Variants in KALRN observed in about 807,000 individuals in gnomAD.
KALRN encodes kalirin RhoGEF kinase, also known as kalirin.
Under a neutral mutation model 353.7 loss-of-function variants are expected in KALRN, and 70 were observed. The ratio of observed to expected loss-of-function variants is 0.20; its 90% CI spans 0.16 to 0.24. The LOEUF (loss-of-function observed/expected upper bound fraction) is 0.24. Ranked by LOEUF, KALRN falls within the 10% of genes least tolerant of loss-of-function variation. The pLI, the probability that KALRN is intolerant of heterozygous loss-of-function variation, is 1.00. For missense variants in KALRN, 2,791 were observed against 3,756.7 expected (o/e 0.74, Z 6.72); for synonymous variants, 1,391 against 1,434.8 (o/e 0.97, Z 0.69).
intron 6 of KALRN, among the ~76,000 whole-genome samples, chr3:124,301,548 G>T (rs2077268775): frequency 6.6e-6 from 1 of 152,156 alleles, no homozygotes; most frequent in Non-Finnish European, 1.5e-5. Context: ...TTGCCCGCCT[G>T]TGCTTGATAA....
At chr3:124,456,171 G>A (rs1577075210) in intron 22 of KALRN, among the ~76,000 whole-genome samples, 1 of 152,042 alleles carries the variant, frequency 6.6e-6, no homozygotes, top group Admixed American at 6.5e-5. Flanking sequence ...GAAATTTCTT[G>A]TTTAAATAAA....
At position 124,033,867 on chromosome 3, in the gene KALRN, G is replaced by A. The variant is rs2039127858; in HGVS notation, c.73+54G>A. On this transcript the variant is annotated intron_variant, in intron 1 of 59. Coordinates refer to ENST00000682506, the MANE Select transcript of KALRN (RefSeq NM_001388419.1). This position sits in a 1 kb window ranked among gnomAD's most constrained non-coding sequence, Gnocchi z 6.2. ...GGCTGAAGGCTACTGCCTCGGACGC[G>A]GCGTCTCGGACAAGTTTGGGGAAGG... 6.6e-6 allele frequency among the ~76,000 whole-genome samples: 1 copy of A among 152,180 alleles called. No individual in the cohort carries two copies. Among genetic ancestry groups the A allele is most frequent in the African/African-American group, 2.4e-5 (1 of 41,452 alleles).
chr3:124,302,672 T>C (rs1361063806), intron 6 of KALRN, among the ~76,000 whole-genome samples: 12 of 152,244 alleles, frequency 7.9e-5, no homozygotes, highest in Admixed American at 7.9e-4. Flanking sequence ...AACAATGTCA[T>C]GGACTGGGTG....
In KALRN at chr3:124,473,308, C is replaced by T. The variant is rs907123932; in HGVS notation, c.4032-1355C>T. Among the ~76,000 whole-genome samples, 15 of 152,188 alleles carry T rather than the reference C, an allele frequency of 9.9e-5. 1 individual carries two copies. Among genetic ancestry groups the T allele is most frequent in the African/African-American group, 3.4e-4 (14 of 41,444 alleles). On this transcript the variant is annotated intron_variant, in intron 25 of 59. Transcript: ENST00000682506. ...TAAGTAGTAGAGTAATGCAGAACCA[C>T]TTTATATCGTGTATCCTTTAATTCA...
chr3:124,669,766 A>G (rs375460298), intron 47 of KALRN, among the ~76,000 whole-genome samples: 4 of 152,326 alleles, frequency 2.6e-5, no homozygotes, highest in East Asian at 3.9e-4. Context: ...CCTTACATAA[A>G]ATGGCATAGT....
intron 33 of KALRN, among the ~76,000 whole-genome samples, chr3:124,504,573 C>T (rs1027670657): frequency 6.6e-6 from 1 of 152,194 alleles, no homozygotes. Context: ...GTAGCCCAGT[C>T]CAGGGGCTTC....
In KALRN at chr3:124,155,888, A is replaced by G. The variant is rs190112171; in HGVS notation, c.74-72102A>G. Among the ~76,000 whole-genome samples the G allele has an allele frequency of 4.6e-5, 7 of 152,240 alleles. No homozygotes were observed. The East Asian group carries it at 1.4e-3, about 29-fold the overall frequency. The stretch of plus-strand genomic sequence containing the variant: ...GAGCCTTTACCTTCTTGCTTATTTT[A>G]ATTACTCTGTGAAGGGCCTTTTGTT... On this transcript the variant is annotated intron_variant, in intron 1 of 59. Coordinates refer to ENST00000682506, the MANE Select transcript of KALRN (RefSeq NM_001388419.1).
At chr3:124,270,773 G>A (rs1343320334) in intron 5 of KALRN, among the ~76,000 whole-genome samples, 1 of 151,042 alleles carries the variant, frequency 6.6e-6, no homozygotes, top group Admixed American at 6.6e-5. Flanking sequence ...CCAGAATCAG[G>A]TACTTTGGCT....
chr3:124,403,227 C>T (rs2091094033), intron 13 of KALRN, among the ~76,000 whole-genome samples: 1 of 152,062 alleles, frequency 6.6e-6, no homozygotes, highest in Non-Finnish European at 1.5e-5. Flanking sequence ...AATGAAAATC[C>T]TGGGAAATTT....
chr3:124,539,273 C>CA (rs538487193), intron 33 of KALRN, among the ~76,000 whole-genome samples: 5 of 152,226 alleles, frequency 3.3e-5, no homozygotes, highest in Non-Finnish European at 7.3e-5. Context: ...CTCCCACATG[C>CA]ACTTAGGCTT....
At chr3:124,445,450 A>G (rs1335569356) in intron 19 of KALRN, among the ~76,000 whole-genome samples, 8 of 152,216 alleles carry the variant, frequency 5.3e-5, no homozygotes, top group African/African-American at 1.2e-4. Context: ...GGGAAATAGC[A>G]TGGACTGAAT....
intron 1 of KALRN, among the ~76,000 whole-genome samples, chr3:124,120,143 G>A (rs531613150): frequency 6.6e-6 from 1 of 152,308 alleles, no homozygotes; most frequent in African/African-American, 2.4e-5. Context: ...AGCAGTGTGG[G>A]TACATGGGGT....
chr3:124,111,321 T>G (rs1350986706), intron 1 of KALRN, among the ~76,000 whole-genome samples: 2 of 152,206 alleles, frequency 1.3e-5, no homozygotes, highest in Admixed American at 6.5e-5. Context: ...AGAAAACCTT[T>G]CCCAGATGTC....
chr3:124,639,460 T>G (rs551575412), intron 37 of KALRN, among the ~76,000 whole-genome samples: 38 of 152,318 alleles, frequency 2.5e-4, no homozygotes, highest in Non-Finnish European at 5.1e-4. Flanking sequence ...TATAAAAAAG[T>G]CTTTTACACT....
chr3:124,167,778 C>T (rs1423659080), intron 1 of KALRN, among the ~76,000 whole-genome samples: 1 of 152,206 alleles, frequency 6.6e-6, no homozygotes, highest in Non-Finnish European at 1.5e-5. Context: ...TAGCTGTTAA[C>T]ATTAAAATTA....
At chr3:124,385,905 C>G (rs947437120) in intron 11 of KALRN, among the ~76,000 whole-genome samples, 4 of 152,036 alleles carry the variant, frequency 2.6e-5, no homozygotes, top group African/African-American at 7.2e-5. Flanking sequence ...GTGTCCCCCC[C>G]CAGGAATTCC....
chr3:124,177,247 G>T (rs1579002819), intron 1 of KALRN, among the ~76,000 whole-genome samples: 1 of 152,172 alleles, frequency 6.6e-6, no homozygotes, highest in South Asian at 2.1e-4. Context: ...CTAAGAACAG[G>T]CCTGCCATTT....
At chr3:124,438,815 A>C in intron 17 of KALRN, 73 bp from the exon 18 acceptor site, 1 of 1,389,466 alleles carries the variant, frequency 7.2e-7, no homozygotes, top group Non-Finnish European at 9.9e-7. Context: ...GTAGGCTTCT[A>C]TAGGCTGAAG....
At chr3:124,388,362 G>C (rs1484702592) in intron 11 of KALRN, among the ~76,000 whole-genome samples, 1 of 151,646 alleles carries the variant, frequency 6.6e-6, no homozygotes, top group Non-Finnish European at 1.5e-5. Flanking sequence ...CTTCTTCATG[G>C]GTGCTTCCAA....
Sources: allele counts gnomAD v4.1 joint callset (sites outside exome capture counted in the v4.1 genomes callset), GRCh38; gene constraint gnomAD v4.1.1; non-coding constraint Gnocchi (gnomAD v3.1); transcripts MANE v1.5; gene names NCBI Gene and HGNC (gene_info 2026-07-23, HGNC 2026-07-21).